Variants in C2 observed in about 807,000 individuals in gnomAD.
C2 encodes complement C2.
C2 carries 64 observed loss-of-function variants against 85.2 expected under a neutral mutation model. That is an observed-to-expected ratio of 0.75 (90% CI 0.61 to 0.92). The LOEUF is 0.92. Ranked by LOEUF, C2 falls within the 40% of genes least tolerant of loss-of-function variation. The probability of loss-of-function intolerance (pLI) is 0.00; values close to 1 mark genes in which losing one functional copy is unlikely to be tolerated. For missense variants in C2, 820 were observed against 971.6 expected (o/e 0.84, Z 2.07); for synonymous variants, 311 against 370.8 (o/e 0.84, Z 1.85).
At chr6:31,907,453 T>C (rs1767782781) in intron 1 of C2, among the ~76,000 whole-genome samples, 1 of 150,852 alleles carries the variant, frequency 6.6e-6, no homozygotes, top group East Asian at 1.9e-4. Context: ...GGAGGTGGTG[T>C]TGCCTGTGGT....
In C2 at chr6:31,904,371, T is replaced by C. The variant is rs1767578025; in HGVS notation, c.73+3232T>C. 6.6e-6 allele frequency among the ~76,000 whole-genome samples: 1 copy of C among 152,086 alleles called. No homozygotes were observed. Among genetic ancestry groups the C allele is most frequent in the African/African-American group, 2.4e-5 (1 of 41,362 alleles). On this transcript the variant is annotated intron_variant, in intron 1 of 3. Transcript: ENST00000452202. This position sits in a 1 kb window ranked among gnomAD's most constrained non-coding sequence, Gnocchi z 4.4. ...TCTTGTCACCCAGGCTGGAGTGCAA[T>C]AGCACGATCTTGGCTCACTGCAACC...
chr6:31,934,214 T>C lies in C2; in HGVS notation c.764T>C (p.Leu255Pro). 6.2e-7 allele frequency: 1 copy of C among 1,614,230 alleles called. No homozygotes were observed. The highest frequency in any genetic ancestry group is 8.5e-7 in the Non-Finnish European group (1 of 1,180,040). ...ATCCAGCGCTCTGGTCATCTGAACC[T>C]CTACCTGCTCCTGGACTGTTCGCAG... is the stretch of plus-strand genomic sequence containing the variant. Reference protein sequence around the residue: ...IQIQRSGHLNLYLLLDCSQSV... With the variant: ...IQIQRSGHLNPYLLLDCSQSV... Residue 255 changes from leucine to proline, a missense_variant, in exon 6 of 18, where the codon CTC becomes CCC. Physicochemically the swap from Leu to Pro is moderately conservative, Grantham distance 98 (BLOSUM62 -3). Coordinates refer to ENST00000299367, the MANE Select transcript of C2 (RefSeq NM_000063.6).
rs1384623024 is a variant in C2, at chr6:31,944,005, G to T, written c.1810+12G>T. ...CTGTAGGGACCATGGTGAGTGCTGG[G>T]ACTTATGGTGCTTGAGAGCTGGGGC... On this transcript the variant is annotated intron_variant, in intron 14 of 17. Transcript: ENST00000299367. This position sits in a 1 kb window ranked among gnomAD's most constrained non-coding sequence, Gnocchi z 5.1. The T allele has an allele frequency of 6.2e-7, 1 of 1,612,320 alleles. No individual in the cohort carries two copies. Among genetic ancestry groups the T allele is most frequent in the Admixed American group, 1.7e-5 (1 of 60,026 alleles).
chr6:31,928,239 A>G, intron 2 of C2, 75 bp downstream of exon 2: 2 of 1,399,240 alleles, frequency 1.4e-6, no homozygotes, highest in Non-Finnish European at 2.0e-6. Flanking sequence ...GGAGTTGCTC[A>G]GGGTGGGACT....
At chr6:31,911,072 G>A (rs1028168854) in intron 1 of C2, among the ~76,000 whole-genome samples, 1 of 151,966 alleles carries the variant, frequency 6.6e-6, no homozygotes, top group African/African-American at 2.4e-5. Context: ...ACCAAAGCGG[G>A]TGGATCACCT....
At chr6:31,919,156 T>A (rs1254870198), upstream of C2, among the ~76,000 whole-genome samples, 1 of 151,698 alleles carries the variant, frequency 6.6e-6, no homozygotes, top group Non-Finnish European at 1.5e-5. Flanking sequence ...TTTTTTTTTT[T>A]TTCTGGAGAC....
At position 31,937,407 on chromosome 6, in the gene C2, G is replaced by A. The variant is rs1770517306; in HGVS notation, c.1077G>A (p.Met359Ile). 1 of 1,612,602 alleles carries A rather than the reference G, an allele frequency of 6.2e-7. No individual in the cohort carries two copies. Among genetic ancestry groups the A allele is most frequent in the Admixed American group, 1.7e-5 (1 of 59,976 alleles). ...MMNNQMRLLG[M>I]ETMAWQEIRH... The stretch of plus-strand genomic sequence containing the variant: ...ACAACCAAATGCGACTCCTCGGCAT[G>A]GAAACGATGGCCTGGCAGGAAATCC... The change falls in exon 8 of 18, where the codon ATG (methionine) becomes ATA (isoleucine). Residue 359 changes from methionine (M) to isoleucine (I), a missense_variant. Physicochemically the swap from Met to Ile is conservative, Grantham distance 10. Transcript: ENST00000299367.
chr6:31,902,269 C>G (rs1767394497), intron 1 of C2, among the ~76,000 whole-genome samples: 1 of 151,856 alleles, frequency 6.6e-6, no homozygotes, highest in Admixed American at 6.6e-5. Flanking sequence ...TACCTCCAAG[C>G]CCCGCGGCCA....
Position 31,902,863 on chromosome 6 carries a change from C to G in C2, c.73+1724C>G, listed in dbSNP as rs114806457. Reference sequence around the variant, plus strand: ...TTTCACCTTTAGTATATAATTAACCCTAGGACTAATTTTAATGATGTGATT... The same window carrying G: ...TTTCACCTTTAGTATATAATTAACCGTAGGACTAATTTTAATGATGTGATT... On this transcript the variant is annotated intron_variant, in intron 1 of 3. Transcript: ENST00000452202. Among the ~76,000 whole-genome samples, 354 of 152,200 alleles carry G rather than the reference C, an allele frequency of 2.3e-3. 2 individuals carry two copies. The highest frequency in any genetic ancestry group is 0.014 in the Middle Eastern group (4 of 294).
intron 1 of C2, among the ~76,000 whole-genome samples, chr6:31,905,181 C>T (rs1240379854): frequency 1.3e-5 from 2 of 152,034 alleles, no homozygotes; most frequent in African/African-American, 2.4e-5. Flanking sequence ...TTCCTGTAAT[C>T]CCAGCACTTT....
intron 9 of C2, among the ~76,000 whole-genome samples, chr6:31,940,996 T>C (rs1770834719): frequency 6.6e-6 from 1 of 152,218 alleles, no homozygotes; most frequent in Non-Finnish European, 1.5e-5. Context: ...TGAGGGCAGT[T>C]CTGACTGGCA....
chr6:31,918,558 A>G (rs561715388), upstream of C2, among the ~76,000 whole-genome samples: 1 of 151,796 alleles, frequency 6.6e-6, no homozygotes, highest in East Asian at 1.9e-4. Flanking sequence ...TTGCACCACT[A>G]AACTCCAGCC....
rs938481964 is a variant in C2 at position 31,904,822 on chromosome 6, G to T, written c.73+3683G>T. On this transcript the variant is annotated intron_variant, in intron 1 of 3. Transcript: ENST00000452202. This position sits in a 1 kb window ranked among gnomAD's most constrained non-coding sequence, Gnocchi z 4.4. ...TAGATGGGACAGGGGGCCTAACTCA[G>T]CCCATGGCTCAAGACAGGTAGTCCT... Among the ~76,000 whole-genome samples the T allele has an allele frequency of 3.3e-5, 5 of 151,758 alleles. No homozygotes were observed. The highest frequency in any genetic ancestry group is 7.4e-5 in the Non-Finnish European group (5 of 68,018).
Position 31,902,505 on chromosome 6 carries a change from G to T in C2, c.73+1366G>T, listed in dbSNP as rs761022821. 5.9e-4 allele frequency among the ~76,000 whole-genome samples: 90 copies of T among 152,342 alleles called. 1 individual carries two copies. The highest frequency in any genetic ancestry group is 3.4e-3 in the Middle Eastern group (1 of 294). ...GCCGAGCGCTGCCCTGGGTGCATCC[G>T]TGGCACCTCTCAGGGCCCCATCCGC... is the stretch of plus-strand genomic sequence containing the variant. On this transcript the variant is annotated intron_variant, in intron 1 of 3. Transcript: ENST00000452202.
intron 1 of C2, among the ~76,000 whole-genome samples, chr6:31,906,304 C>T (rs1767708234): frequency 6.6e-6 from 1 of 151,978 alleles, no homozygotes; most frequent in Admixed American, 6.6e-5. Flanking sequence ...TCTGAACTCC[C>T]ATCCATCCCC....
upstream of C2, among the ~76,000 whole-genome samples, chr6:31,915,200 T>C (rs1425074116): frequency 1.3e-5 from 2 of 152,218 alleles, no homozygotes; most frequent in Non-Finnish European, 2.9e-5. Flanking sequence ...AAATTCCATA[T>C]AGCAAATCGC....
intron 3 of C2, among the ~76,000 whole-genome samples, chr6:31,932,034 AG>A (rs1562591489): frequency 0.019 from 2,474 of 131,330 alleles, 206 homozygotes; most frequent in African/African-American, 0.033. Context: ...CTGGCCGGGC[AG>A]AGGGGCTCCT....
At chr6:31,908,023 T>C (rs1767837658) in intron 1 of C2, among the ~76,000 whole-genome samples, 1 of 151,552 alleles carries the variant, frequency 6.6e-6, no homozygotes, top group African/African-American at 2.4e-5. Context: ...ATGTTTTGTA[T>C]TTTTAGTAGA....
intron 6 of C2, chr6:31,934,992 G>C: frequency 1.5e-6 from 1 of 684,334 alleles, no homozygotes; most frequent in South Asian, 6.6e-5. Flanking sequence ...TGGGCAACTA[G>C]AGCAAAACTC....
Sources: gnomAD v4.1 joint callset for allele counts (sites outside exome capture counted in the v4.1 genomes callset) on GRCh38, gnomAD v4.1.1 for gene constraint, Gnocchi (gnomAD v3.1) non-coding constraint, MANE v1.5 for transcripts, NCBI Gene and HGNC (gene_info 2026-07-23, HGNC 2026-07-21) for gene names.